COL23A1: variants seen among roughly 807,000 people sequenced by gnomAD.
COL23A1 encodes the protein collagen alpha-1(XXIII) chain.
Under a neutral mutation model 99.3 loss-of-function variants are expected in COL23A1, and 97 were observed. That is an observed-to-expected ratio of 0.98 (90% CI 0.83 to 1.16). The LOEUF (loss-of-function observed/expected upper bound fraction) is 1.16. Ranked by LOEUF, COL23A1 falls within the 50% of genes most tolerant of loss-of-function variation. The pLI, the probability that COL23A1 is intolerant of heterozygous loss-of-function variation, is 0.00. For missense variants in COL23A1, 762 were observed against 757.4 expected, an observed-to-expected ratio of 1.01 and a Z score of -0.07; for synonymous variants, 320 against 308.2, an observed-to-expected ratio of 1.04 and a Z score of -0.40.
chr5:178,367,044 T>A (rs1460366854), intron 2 of COL23A1, among the ~76,000 whole-genome samples: 1 of 152,234 alleles, frequency 6.6e-6, no homozygotes, highest in Non-Finnish European at 1.5e-5. Context: ...TTCAGACTCT[T>A]CTCTGGTTGG....
Position 178,468,869 on chromosome 5 carries a change from C to G in COL23A1, c.361+91813G>C, listed in dbSNP as rs1756580741. Among the ~76,000 whole-genome samples, 3 of 152,218 alleles carry G rather than the reference C, an allele frequency of 2.0e-5. No individual in the cohort carries two copies. Among genetic ancestry groups the G allele is most frequent in the African/African-American group, 7.2e-5 (3 of 41,450 alleles). On this transcript the variant is annotated intron_variant, in intron 2 of 28. Coordinates refer to ENST00000390654, the MANE Select transcript of COL23A1 (RefSeq NM_173465.4). The surrounding 1 kb of genome is among the most constrained non-coding windows in gnomAD (Gnocchi z 4.2). ...GCACCCTCCACCTCCAGGACGTTTTCATCTTCCCCTGCTGAAACTCTGCAC... is the reference window on the plus strand; with the variant it reads ...GCACCCTCCACCTCCAGGACGTTTTGATCTTCCCCTGCTGAAACTCTGCAC...
chr5:178,274,278 C>A (rs776636626), intron 5 of COL23A1, among the ~76,000 whole-genome samples: 1 of 152,228 alleles, frequency 6.6e-6, no homozygotes, highest in Non-Finnish European at 1.5e-5. Context: ...TGCAGACCAT[C>A]TACAAACCAG....
chr5:178,347,046 G>T (rs991936299), intron 2 of COL23A1, among the ~76,000 whole-genome samples: 1 of 152,178 alleles, frequency 6.6e-6, no homozygotes, highest in African/African-American at 2.4e-5. Flanking sequence ...TGGTGAGCAG[G>T]GTGAGGCCCA....
chr5:178,328,843 T>C (rs887843619), intron 2 of COL23A1, among the ~76,000 whole-genome samples: 2 of 152,184 alleles, frequency 1.3e-5, no homozygotes, highest in East Asian at 3.8e-4. Context: ...GGGTGGAGAC[T>C]GAATGTACAA....
rs201398463 is a variant in COL23A1 at position 178,249,156 on chromosome 5, G to C, written c.1110C>G (p.Leu370=). ...GDPGEPGPAG[L]KGEAGEMGLS... ...AGCCCATCTCGCCTGCTTCCCCTTT[G>C]AGTCCTGCTGGCCCAGGCTCTCCTG... The change falls in exon 19 of 29, where the codon CTC becomes CTG. Residue 370 remains leucine (L), a synonymous_variant. Coordinates refer to ENST00000390654, the MANE Select transcript of COL23A1 (RefSeq NM_173465.4). 9 of 1,614,202 alleles carry C rather than the reference G, an allele frequency of 5.6e-6. No individual in the cohort carries two copies. The highest frequency in any genetic ancestry group is 1.6e-4 in the Middle Eastern group (1 of 6,062).
chr5:178,266,671 G>T (rs1039648086), intron 8 of COL23A1, among the ~76,000 whole-genome samples: 1 of 152,162 alleles, frequency 6.6e-6, no homozygotes, highest in African/African-American at 2.4e-5. Flanking sequence ...GGCTGGCACA[G>T]AGCAGCTGTG....
chr5:178,544,336 G>A lies in COL23A1; in HGVS notation c.361+16346C>T, dbSNP rs149366280. ...GCTGGAGCTCCTGGATCCCAAGGCGGGGAAGGCAAGTCGGCGGATGCGCAC... is the reference window on the plus strand; with the variant it reads ...GCTGGAGCTCCTGGATCCCAAGGCGAGGAAGGCAAGTCGGCGGATGCGCAC... On this transcript the variant is annotated intron_variant, in intron 2 of 28. Coordinates refer to ENST00000390654, the MANE Select transcript of COL23A1 (RefSeq NM_173465.4). This position sits in a 1 kb window ranked among gnomAD's most constrained non-coding sequence, Gnocchi z 4.4. Among the ~76,000 whole-genome samples the A allele has an allele frequency of 6.6e-6, 1 of 152,318 alleles. No homozygotes were observed. The highest frequency in any genetic ancestry group is 1.9e-4 in the East Asian group (1 of 5,174).
chr5:178,580,067 C>A (rs1376312245), intron 1 of COL23A1, among the ~76,000 whole-genome samples: 1 of 152,168 alleles, frequency 6.6e-6, no homozygotes, highest in East Asian at 1.9e-4. Context: ...GTGGCTCACA[C>A]CTGTAATCCC....
At chr5:178,484,302 A>T (rs947263565) in intron 2 of COL23A1, among the ~76,000 whole-genome samples, 1 of 152,222 alleles carries the variant, frequency 6.6e-6, no homozygotes, top group Non-Finnish European at 1.5e-5. Context: ...AAAATTAAGC[A>T]AGGCACAATG....
intron 2 of COL23A1, among the ~76,000 whole-genome samples, chr5:178,514,102 CT>C (rs1407541158): frequency 2.0e-5 from 3 of 152,142 alleles, no homozygotes; most frequent in African/African-American, 4.8e-5. Context: ...CACCATTCCA[CT>C]TTCTGTCTTG....
intron 2 of COL23A1, among the ~76,000 whole-genome samples, chr5:178,363,350 G>A (rs921785179): frequency 2.0e-5 from 3 of 152,154 alleles, no homozygotes; most frequent in Non-Finnish European, 4.4e-5. Flanking sequence ...TGACAGGATA[G>A]CCTAAGTGTA....
In COL23A1 at chr5:178,589,933, C is replaced by T. The variant is rs1764183374; in HGVS notation, c.265G>A (p.Glu89Lys). Residue 89 changes from glutamate to lysine, a missense_variant, in exon 1 of 29, where the codon GAG (glutamate) becomes AAG (lysine). By Grantham distance (56) the Glu-to-Lys change is moderately conservative (BLOSUM62 1). Transcript: ENST00000390654. This position sits in a 1 kb window ranked among gnomAD's most constrained non-coding sequence, Gnocchi z 5.4. The stretch of plus-strand genomic sequence containing the variant: ...CGCAGCAGGCGCTCCAGGTGCGGCT[C>T]GGCCCAGGCGTCCAGGGCGCCTGGC... ...GPPGALDAWA[E>K]PHLERLLREK... 7.6e-7 allele frequency: 1 copy of T among 1,321,530 alleles called. No homozygotes were observed. Among genetic ancestry groups the T allele is most frequent in the Non-Finnish European group, 9.6e-7 (1 of 1,042,414 alleles). 81.9% of individuals were successfully genotyped at this position (1,321,530 alleles called of 1,614,324 possible). A position where few individuals can be genotyped will look rare whatever the true frequency, so the allele number is the denominator to read the frequency against.
chr5:178,390,428 A>G (rs534285050), intron 2 of COL23A1, among the ~76,000 whole-genome samples: 16 of 152,308 alleles, frequency 1.1e-4, no homozygotes, highest in African/African-American at 3.8e-4. Flanking sequence ...CACATAAAGA[A>G]GAGCTGACCA....
At position 178,256,409 on chromosome 5, in the gene COL23A1, T is replaced by C. The variant is rs749740797; in HGVS notation, c.838-12A>G. On this transcript the variant is annotated splice_polypyrimidine_tract_variant and intron_variant, in intron 14 of 28. Transcript: ENST00000390654. ...TGGCCAGGCTCCCCCTGTGGAGACA[T>C]GCATTTGCAGCCAGAGGTGCAGCTG... is the stretch of plus-strand genomic sequence containing the variant. 5.6e-6 allele frequency: 9 copies of C among 1,603,782 alleles called. No individual in the cohort carries two copies. The highest frequency in any genetic ancestry group is 4.5e-5 in the East Asian group (2 of 44,730).
chr5:178,576,699 G>C (rs1017671761), intron 1 of COL23A1, among the ~76,000 whole-genome samples: 2 of 152,034 alleles, frequency 1.3e-5, no homozygotes, highest in Non-Finnish European at 2.9e-5. Context: ...TCCTCCCCAC[G>C]GCCGCGGTCT....
chr5:178,311,887 T>C (rs1021710078), intron 2 of COL23A1, among the ~76,000 whole-genome samples: 5 of 152,038 alleles, frequency 3.3e-5, no homozygotes, highest in African/African-American at 7.2e-5. Flanking sequence ...CGCGCCACCA[T>C]GCCTGGCTAA....
chr5:178,386,233 G>C (rs1009177414), intron 2 of COL23A1, among the ~76,000 whole-genome samples: 9 of 152,128 alleles, frequency 5.9e-5, no homozygotes, highest in Non-Finnish European at 2.9e-5. Flanking sequence ...GAGCTCATGA[G>C]TTTGAGACCA....
At chr5:178,285,447 C>T (rs1212120418) in intron 5 of COL23A1, among the ~76,000 whole-genome samples, 2 of 152,216 alleles carry the variant, frequency 1.3e-5, no homozygotes, top group African/African-American at 4.8e-5. Context: ...TAAAACCGAC[C>T]ATTCTCAAAG....
At chr5:178,249,018 C>T in intron 19 of COL23A1, 99 bp downstream of exon 19, 1 of 1,228,596 alleles carries the variant, frequency 8.1e-7, no homozygotes, top group South Asian at 1.2e-5. Context: ...CAGGGGCTGT[C>T]AGGGTCACGC....
Sources: allele counts gnomAD v4.1 joint callset (sites outside exome capture counted in the v4.1 genomes callset), GRCh38; gene constraint gnomAD v4.1.1; non-coding constraint Gnocchi (gnomAD v3.1); transcripts MANE v1.5; gene names NCBI Gene and HGNC (gene_info 2026-07-23, HGNC 2026-07-21).